Variants in ARHGAP39 observed in about 807,000 individuals in gnomAD.
ARHGAP39 encodes the protein rho GTPase-activating protein 39.
In ARHGAP39, 44 loss-of-function variants were observed where a neutral mutation model predicts 106.9. That is an observed-to-expected ratio of 0.41 (90% CI 0.32 to 0.53). The LOEUF (loss-of-function observed/expected upper bound fraction) is 0.53, where lower values mean the gene tolerates loss of function less well. Ranked by LOEUF, ARHGAP39 falls within the 20% of genes least tolerant of loss-of-function variation. ARHGAP39 has a pLI of 0.21. For missense variants in ARHGAP39, 1,496 were observed against 1,577.3 expected (o/e 0.95, Z 0.87); for synonymous variants, 768 against 693.2 (o/e 1.11, Z -1.69).
At chr8:144,537,660 CGAGGCTGGAGAGCA>C (rs1564835385) in intron 7 of ARHGAP39, 47 bp downstream of exon 7, 8 of 1,484,054 alleles carry the variant, frequency 5.4e-6, no homozygotes, top group African/African-American at 2.8e-5. Context: ...GCCAGGCGGC[CGAGGCTGGAGAGCA>C]GAGCTGTGCA....
At chr8:144,639,591 T>C (rs1363501142) in intron 1 of ARHGAP39, among the ~76,000 whole-genome samples, 3 of 152,122 alleles carry the variant, frequency 2.0e-5, no homozygotes, top group Non-Finnish European at 4.4e-5. Context: ...CTGTCAATGG[T>C]TGCCACGGTA....
In ARHGAP39 at chr8:144,530,722, A is replaced by G; in HGVS notation, c.3130T>C (p.Tyr1044His). Residue 1044 changes from tyrosine (Y) to histidine (H), a missense_variant, in exon 11 of 12, where the codon TAC becomes CAC. Physicochemically the swap from Tyr to His is moderately conservative, Grantham distance 83. This residue lies in a region of ARHGAP39 where 470 missense variants were observed against 605.1 expected (regional missense o/e 0.78). Transcript: ENST00000377307. ...AGTACCTGCAGGAAGCGGATGAGGTAGCACAGCACCATGCGGTTGATGCGG... is the reference window on the plus strand; with the variant it reads ...AGTACCTGCAGGAAGCGGATGAGGTGGCACAGCACCATGCGGTTGATGCGG... ...LPRINRMVLC[Y>H]LIRFLQVFVQ... is the part of the protein sequence containing the mutation. 3 of 1,606,646 alleles carry G rather than the reference A, an allele frequency of 1.9e-6. No individual in the cohort carries two copies. In the African/African-American group the frequency reaches 4.0e-5, roughly 21 times the overall value.
chr8:144,542,231 G>C (rs1183668780), intron 6 of ARHGAP39, among the ~76,000 whole-genome samples: 1 of 152,218 alleles, frequency 6.6e-6, no homozygotes, highest in Non-Finnish European at 1.5e-5. Context: ...TCGAGAACCT[G>C]TTGAGGGAGG....
intron 3 of ARHGAP39, among the ~76,000 whole-genome samples, chr8:144,562,804 G>A (rs528371727): frequency 3.7e-4 from 55 of 149,444 alleles, no homozygotes; most frequent in African/African-American, 9.2e-4. Flanking sequence ...GGTTTCCATC[G>A]GACTCCAGTG....
intron 1 of ARHGAP39, among the ~76,000 whole-genome samples, chr8:144,660,816 C>T (rs945404890): frequency 6.6e-6 from 1 of 152,056 alleles, no homozygotes; most frequent in African/African-American, 2.4e-5. Flanking sequence ...CCTGTCTCTA[C>T]TAAAAATACA....
intron 3 of ARHGAP39, among the ~76,000 whole-genome samples, chr8:144,561,842 CA>C (rs1354088295): frequency 6.9e-6 from 1 of 144,650 alleles, no homozygotes; most frequent in Non-Finnish European, 1.5e-5. Context: ...CATCGGGCTC[CA>C]GTGGTTTCCA....
At position 144,605,624 on chromosome 8, in the gene ARHGAP39, C is replaced by T. The variant is rs1192777978; in HGVS notation, c.-10G>A. ...CCTGCGTCTGGGACATCGCTGTTTG[C>T]TTCCGCGCCCACGTGGACAGACGTC... On this transcript the variant is annotated 5_prime_UTR_variant, in exon 2 of 12. Transcript: ENST00000377307. 2.5e-6 allele frequency: 4 copies of T among 1,612,610 alleles called. No individual in the cohort carries two copies. In the East Asian group the frequency reaches 6.7e-5, roughly 27 times the overall value.
chr8:144,554,706 G>A (rs937707276), intron 4 of ARHGAP39, among the ~76,000 whole-genome samples: 4 of 152,154 alleles, frequency 2.6e-5, no homozygotes, highest in Non-Finnish European at 5.9e-5. Context: ...ATGAGGAAAC[G>A]GAAGCTCGGG....
intron 2 of ARHGAP39, among the ~76,000 whole-genome samples, chr8:144,601,417 G>T: frequency 8.1e-6 from 1 of 123,546 alleles, no homozygotes. Flanking sequence ...TGCGTGCATG[G>T]AGGCGTGCGT....
At chr8:144,607,019 A>C (rs1199621904) in intron 1 of ARHGAP39, among the ~76,000 whole-genome samples, 1 of 151,122 alleles carries the variant, frequency 6.6e-6, no homozygotes, top group Admixed American at 6.6e-5. Flanking sequence ...AAAAACCCAC[A>C]TCCTAAGTGG....
chr8:144,658,167 T>C (rs1436772337), intron 1 of ARHGAP39, among the ~76,000 whole-genome samples: 1 of 152,142 alleles, frequency 6.6e-6, no homozygotes, highest in African/African-American at 2.4e-5. Context: ...TGGAGTGAAA[T>C]GGCGCGATCT....
chr8:144,631,018 G>A (rs1164543557), intron 1 of ARHGAP39, among the ~76,000 whole-genome samples: 2 of 152,260 alleles, frequency 1.3e-5, no homozygotes, highest in African/African-American at 4.8e-5. Flanking sequence ...AGGTAGCTCT[G>A]ACTCATGGCG....
intron 1 of ARHGAP39, among the ~76,000 whole-genome samples, chr8:144,617,272 A>C: frequency 6.6e-6 from 1 of 152,048 alleles, no homozygotes; most frequent in African/African-American, 2.4e-5. Context: ...TTCTGAATAA[A>C]GGTGATGGTA....
rs1341479253 is a variant in ARHGAP39 at position 144,585,877 on chromosome 8, T to C, written c.81-4600A>G. 6.6e-6 allele frequency among the ~76,000 whole-genome samples: 1 copy of C among 152,074 alleles called. No homozygotes were observed. The highest frequency in any genetic ancestry group is 1.5e-5 in the Non-Finnish European group (1 of 67,988). ...AAGGGGCTGGACGGGTGCCCTGCCTTCCCCCTGGAGCCGGCTCTCCCCGAG... is the reference window on the plus strand; with the variant it reads ...AAGGGGCTGGACGGGTGCCCTGCCTCCCCCCTGGAGCCGGCTCTCCCCGAG... On this transcript the variant is annotated intron_variant, in intron 2 of 11. Transcript: ENST00000377307. The surrounding 1 kb of genome is among the most constrained non-coding windows in gnomAD (Gnocchi z 4.6).
At chr8:144,653,963 G>A (rs991793606) in intron 1 of ARHGAP39, among the ~76,000 whole-genome samples, 4 of 152,194 alleles carry the variant, frequency 2.6e-5, no homozygotes, top group Non-Finnish European at 5.9e-5. Context: ...TCCAGACCAC[G>A]CGGACAGAGC....
At position 144,646,971 on chromosome 8, in the gene ARHGAP39, T is replaced by C. The variant is rs914003122; in HGVS notation, c.-82+38715A>G. Among the ~76,000 whole-genome samples the C allele has an allele frequency of 6.7e-6, 1 of 149,772 alleles. No homozygotes were observed. The highest frequency in any genetic ancestry group is 1.5e-5 in the Non-Finnish European group (1 of 67,244). On this transcript the variant is annotated intron_variant, in intron 1 of 11. Coordinates refer to ENST00000377307, the MANE Select transcript of ARHGAP39 (RefSeq NM_025251.3). This position sits in a 1 kb window ranked among gnomAD's most constrained non-coding sequence, Gnocchi z 5.7. ...CATCTGCTCTGCTCTGACCATTTTTTTTTTTTTTTTTTTTTTGAGACAGAG... is the reference window on the plus strand; with the variant it reads ...CATCTGCTCTGCTCTGACCATTTTTCTTTTTTTTTTTTTTTTGAGACAGAG...
intron 3 of ARHGAP39, among the ~76,000 whole-genome samples, chr8:144,565,791 G>A (rs115422027): frequency 0.019 from 2,857 of 152,118 alleles, 93 homozygotes; most frequent in African/African-American, 0.066. Flanking sequence ...GTGGGGGTGT[G>A]AGCACAAACA....
intron 1 of ARHGAP39, among the ~76,000 whole-genome samples, chr8:144,615,380 T>TTC (rs1445033755): frequency 1.3e-5 from 2 of 151,724 alleles, no homozygotes; most frequent in Non-Finnish European, 2.9e-5. Flanking sequence ...CACGTGGGCC[T>TTC]TCTGCCTCAT....
At chr8:144,699,601 A>T in the ARHGAP39 span, among the ~76,000 whole-genome samples, 1 of 41,882 alleles carries the variant, frequency 2.4e-5, no homozygotes, top group South Asian at 9.2e-4. Flanking sequence ...CACGGAGGGG[A>T]GGCTGTGTGG....
Sources: allele counts gnomAD v4.1 joint callset (sites outside exome capture counted in the v4.1 genomes callset), GRCh38; gene constraint gnomAD v4.1.1; regional missense constraint gnomAD v4.1.1; non-coding constraint Gnocchi (gnomAD v3.1); transcripts MANE v1.5; gene names NCBI Gene and HGNC (gene_info 2026-07-23, HGNC 2026-07-21).